ARIH1: variants seen among roughly 807,000 people sequenced by gnomAD.
The protein encoded by ARIH1 is ariadne RBR E3 ubiquitin protein ligase 1.
In ARIH1, 8 loss-of-function variants were observed where a neutral mutation model predicts 85.0. The ratio of observed to expected loss-of-function variants is 0.09; its 90% CI spans 0.06 to 0.17. ARIH1 has a LOEUF of 0.17. Ranked by LOEUF, ARIH1 falls within the 10% of genes least tolerant of loss-of-function variation. The pLI, the probability that ARIH1 is intolerant of heterozygous loss-of-function variation, is 1.00. For synonymous variants in ARIH1, 238 were observed against 253.6 expected (o/e 0.94, Z 0.59); for missense variants, 311 against 718.1 (o/e 0.43, Z 6.48).
chr15:72,548,447 AC>A lies in ARIH1; in HGVS notation c.588+3484del, dbSNP rs138201922. On this transcript the variant is annotated intron_variant, in intron 3 of 13. Coordinates refer to ENST00000379887, the MANE Select transcript of ARIH1 (RefSeq NM_005744.5). ...GACTTCATGGGCTAAAGAGTCACTGACTTGAAGGTGGGAAAGGAAATGGAAG... is the reference window on the plus strand; with the variant it reads ...GACTTCATGGGCTAAAGAGTCACTGATTGAAGGTGGGAAAGGAAATGGAAG... 4.9e-3 allele frequency among the ~76,000 whole-genome samples: 741 copies of A among 152,302 alleles called. 10 individuals carry two copies. Among genetic ancestry groups the A allele is most frequent in the African/African-American group, 0.017 (709 of 41,544 alleles).
At chr15:72,546,585 C>A (rs572595350) in intron 3 of ARIH1, among the ~76,000 whole-genome samples, 16 of 151,058 alleles carry the variant, frequency 1.1e-4, no homozygotes, top group African/African-American at 3.7e-4. Context: ...TGGGCTCAAG[C>A]GATCCTCCCA....
intron 1 of ARIH1, among the ~76,000 whole-genome samples, chr15:72,517,144 C>G (rs893745732): frequency 1.3e-5 from 2 of 152,162 alleles, no homozygotes; most frequent in Non-Finnish European, 2.9e-5. Flanking sequence ...AAATAGCAGC[C>G]TAAAAGTATG....
Position 72,580,889 on chromosome 15 carries a change from G to A in ARIH1, c.1374G>A (p.Leu458=). 1 of 1,614,156 alleles carries A rather than the reference G, an allele frequency of 6.2e-7. No homozygotes were observed. ...HNMSWIEVQF[L]KKAVDVLCQC... is the part of the protein sequence containing the mutation. ...TGTCCTGGATTGAGGTGCAGTTCCT[G>A]AAGAAGGCAGTTGATGTCCTCTGCC... The change falls in exon 12 of 14, where the codon CTG becomes CTA. Residue 458 remains leucine, a synonymous_variant. Coordinates refer to ENST00000379887, the MANE Select transcript of ARIH1 (RefSeq NM_005744.5).
intron 1 of ARIH1, among the ~76,000 whole-genome samples, chr15:72,504,468 T>C (rs929800280): frequency 1.3e-5 from 2 of 152,032 alleles, no homozygotes; most frequent in African/African-American, 4.8e-5. Flanking sequence ...TAATTTTCTT[T>C]AGTGATGAAA....
In ARIH1 at chr15:72,570,324, A is replaced by T. The variant is rs772905854; in HGVS notation, c.1157+17A>T. On this transcript the variant is annotated intron_variant, in intron 10 of 13. Coordinates refer to ENST00000379887, the MANE Select transcript of ARIH1 (RefSeq NM_005744.5). ...ATCTGCCTGGTAGGTTGGGGAAATT[A>T]AGGGAAGAATGTGTTTACATAAGTA... 5.6e-6 allele frequency: 9 copies of T among 1,613,470 alleles called. No individual in the cohort carries two copies. The highest frequency in any genetic ancestry group is 7.6e-6 in the Non-Finnish European group (9 of 1,179,710).
chr15:72,481,497 T>C (rs181855575), intron 1 of ARIH1, among the ~76,000 whole-genome samples: 17 of 152,222 alleles, frequency 1.1e-4, no homozygotes, highest in African/African-American at 4.1e-4. Flanking sequence ...TCACTTGAGG[T>C]CAGGAGTTTG....
chr15:72,505,366 A>C (rs2063920241), intron 1 of ARIH1, among the ~76,000 whole-genome samples: 1 of 152,136 alleles, frequency 6.6e-6, no homozygotes, highest in Non-Finnish European at 1.5e-5. Flanking sequence ...CAAAAATGGA[A>C]TATTGTGCAC....
chr15:72,508,998 T>G (rs2063938695), intron 1 of ARIH1, among the ~76,000 whole-genome samples: 1 of 151,082 alleles, frequency 6.6e-6, no homozygotes, highest in South Asian at 2.1e-4. Context: ...CTGGCCCTTT[T>G]TTTTTTTTTT....
At chr15:72,491,225 A>G (rs185191885) in intron 1 of ARIH1, among the ~76,000 whole-genome samples, 2 of 152,318 alleles carry the variant, frequency 1.3e-5, no homozygotes, top group East Asian at 3.9e-4. Flanking sequence ...TATTCGTATT[A>G]TAGCATAATA....
intron 1 of ARIH1, among the ~76,000 whole-genome samples, chr15:72,505,354 C>A (rs2063920196): frequency 6.6e-6 from 1 of 152,020 alleles, no homozygotes. Flanking sequence ...ACTTTTTTAA[C>A]ACAAAAATGG....
chr15:72,524,848 A>G (rs1306691761), intron 2 of ARIH1, among the ~76,000 whole-genome samples: 1 of 152,232 alleles, frequency 6.6e-6, no homozygotes, highest in Non-Finnish European at 1.5e-5. Context: ...GAATTTATAA[A>G]TAAAATAATG....
intron 2 of ARIH1, among the ~76,000 whole-genome samples, chr15:72,528,975 C>T (rs989351559): frequency 7.9e-5 from 12 of 151,976 alleles, no homozygotes; most frequent in Admixed American, 3.3e-4. Context: ...CCAAGGTGGG[C>T]GGATCATGAG....
In ARIH1 at chr15:72,474,612, C is replaced by T. The variant is rs554200284; in HGVS notation, c.-28C>T. 10 of 1,499,912 alleles carry T rather than the reference C, an allele frequency of 6.7e-6. No homozygotes were observed. Among genetic ancestry groups the T allele is most frequent in the African/African-American group, 1.5e-5 (1 of 68,874 alleles). The allele number at this position is 1,499,912 out of a possible 1,614,324, so 92.9% of individuals were successfully genotyped here. On this transcript the variant is annotated 5_prime_UTR_variant, in exon 1 of 14. Transcript: ENST00000379887. ...CCCGCCCTCTCCCCGCCTCGGCCAGCGTCCGCCGGGCCCCCGCGCGTCGCG... is the reference window on the plus strand; with the variant it reads ...CCCGCCCTCTCCCCGCCTCGGCCAGTGTCCGCCGGGCCCCCGCGCGTCGCG...
At chr15:72,509,031 G>A (rs554177095) in intron 1 of ARIH1, among the ~76,000 whole-genome samples, 354 of 136,530 alleles carry the variant, frequency 2.6e-3, no homozygotes, top group African/African-American at 9.4e-3. Context: ...TTGCTCTGTT[G>A]CCCAGGCTGG....
At chr15:72,488,183 A>G (rs2063844857) in intron 1 of ARIH1, among the ~76,000 whole-genome samples, 1 of 151,938 alleles carries the variant, frequency 6.6e-6, no homozygotes, top group Non-Finnish European at 1.5e-5. Context: ...CTACAGTTGC[A>G]TGCCACTACA....
intron 5 of ARIH1, among the ~76,000 whole-genome samples, chr15:72,559,042 G>C (rs1253173242): frequency 6.6e-6 from 1 of 151,912 alleles, no homozygotes; most frequent in East Asian, 1.9e-4. Context: ...AGTATACTGG[G>C]GATTGGTTCT....
Position 72,602,375 on chromosome 15 carries a change from A to T in ARIH1, c.*19083A>T, listed in dbSNP as rs1055103880. 1 of 152,118 alleles carries T rather than the reference A, an allele frequency of 6.6e-6. No homozygotes were observed. The highest frequency in any genetic ancestry group is 1.5e-5 in the Non-Finnish European group (1 of 68,004). The allele number at this position is 152,118 out of a possible 1,614,324, so 9.4% of individuals were successfully genotyped here. On this transcript the variant is annotated 3_prime_UTR_variant, in exon 14 of 14. Transcript: ENST00000379887. ...AAGTATCTCTTGGAAACTAATTTGC[A>T]TGTTTTTTTTCCTTGCACAGTTATA...
In ARIH1 at chr15:72,563,221, C is replaced by G. The variant is rs565703239; in HGVS notation, c.805-173C>G. 2.0e-5 allele frequency among the ~76,000 whole-genome samples: 3 copies of G among 152,136 alleles called. No individual in the cohort carries two copies. In the East Asian group the frequency reaches 5.8e-4, roughly 29 times the overall value. On this transcript the variant is annotated intron_variant, in intron 6 of 13. Transcript: ENST00000379887. ...ACATACCACCATGCCTGGCTAAATT[C>G]TTTTTTCTTTTTTTTAAGGTAGAGA...
At chr15:72,488,574 T>C (rs1464616925) in intron 1 of ARIH1, among the ~76,000 whole-genome samples, 2 of 152,238 alleles carry the variant, frequency 1.3e-5, no homozygotes, top group Admixed American at 6.5e-5. Flanking sequence ...CCTCTAGCTA[T>C]ATATGAGGGT....
Sources: allele counts gnomAD v4.1 joint callset (sites outside exome capture counted in the v4.1 genomes callset), GRCh38; gene constraint gnomAD v4.1.1; transcripts MANE v1.5; gene names NCBI Gene and HGNC (gene_info 2026-07-23, HGNC 2026-07-21).